TLN2: variants seen among roughly 807,000 people sequenced by gnomAD.
The protein encoded by TLN2 is talin-2.
TLN2 carries 118 observed loss-of-function variants against 294.7 expected under a neutral mutation model. That is an observed-to-expected ratio of 0.40 (90% confidence interval 0.34 to 0.47). The LOEUF (loss-of-function observed/expected upper bound fraction) is 0.47, where lower values mean the gene tolerates loss of function less well. Ranked by LOEUF, TLN2 falls within the 20% of genes least tolerant of loss-of-function variation. The pLI, the probability that TLN2 is intolerant of heterozygous loss-of-function variation, is 0.84. For missense variants in TLN2, 3,083 were observed against 3,282.2 expected (o/e 0.94, Z 1.48); for synonymous variants, 1,431 against 1,304.5 (o/e 1.10, Z -2.09).
chr15:62,443,451 C>T (rs1034868435), intron 1 of TLN2, among the ~76,000 whole-genome samples: 3 of 152,136 alleles, frequency 2.0e-5, no homozygotes, highest in Admixed American at 6.5e-5. Context: ...GCAATAGGAA[C>T]GTATTTTGGG....
At chr15:62,532,383 C>T (rs1248288034) in intron 1 of TLN2, among the ~76,000 whole-genome samples, 4 of 152,152 alleles carry the variant, frequency 2.6e-5, no homozygotes, top group Non-Finnish European at 4.4e-5. Flanking sequence ...AGGTGTGAGC[C>T]ACTGCATCCA....
Position 62,653,210 on chromosome 15 carries a change from AAAAG to A in TLN2, c.419_422del (p.Lys140ArgfsTer23). On this transcript the variant is annotated frameshift_variant, in exon 7 of 59. Coordinates refer to ENST00000636159, the MANE Select transcript of TLN2 (RefSeq NM_015059.3). LOFTEE classifies it high-confidence loss of function. ...TCCTTAATCCAAGAAACTATTGAAG[AAAAG>A]AAAGAGGAAGGAACGGGCACACTCA... 1 of 1,610,138 alleles carries A rather than the reference AAAAG, an allele frequency of 6.2e-7. No homozygotes were observed.
chr15:62,720,657 GTGT>G (rs1296485134), intron 25 of TLN2, among the ~76,000 whole-genome samples: 1 of 149,190 alleles, frequency 6.7e-6, no homozygotes, highest in African/African-American at 2.4e-5. Context: ...AGGTGTGTGT[GTGT>G]GTGTGTGTGT....
At chr15:62,574,944 G>T (rs2044259084) in intron 1 of TLN2, among the ~76,000 whole-genome samples, 1 of 151,800 alleles carries the variant, frequency 6.6e-6, no homozygotes, top group African/African-American at 2.4e-5. Flanking sequence ...AAATGTAGAG[G>T]GAGATTGCCA....
At chr15:62,487,022 C>G (rs2038434891) in intron 1 of TLN2, among the ~76,000 whole-genome samples, 1 of 152,144 alleles carries the variant, frequency 6.6e-6, no homozygotes, top group African/African-American at 2.4e-5. Context: ...ATGCAGTGTT[C>G]ACAGTGGGTT....
chr15:62,716,341 C>T lies in TLN2; in HGVS notation c.2645C>T (p.Ala882Val). 1.2e-6 allele frequency: 2 copies of T among 1,604,228 alleles called. No homozygotes were observed. Among genetic ancestry groups the T allele is most frequent in the Non-Finnish European group, 1.7e-6 (2 of 1,176,416 alleles). Reference protein sequence around the residue: ...RMVEAAKGAAANPENEDQQQR... With the variant: ...RMVEAAKGAAVNPENEDQQQR... The stretch of plus-strand genomic sequence containing the variant: ...TTTTTGCCTTTGCAGGGGGCTGCAG[C>T]CAACCCAGAGAATGAGGACCAGCAG... The change falls in exon 23 of 59, where the codon GCC (alanine) becomes GTC (valine). Residue 882 changes from alanine to valine, a missense_variant. Transcript: ENST00000636159.
chr15:62,620,205 C>A (rs191472371), intron 3 of TLN2, among the ~76,000 whole-genome samples: 1 of 152,106 alleles, frequency 6.6e-6, no homozygotes, highest in African/African-American at 2.4e-5. Context: ...AATCTCAAAC[C>A]CCTGGCCTCA....
At chr15:62,417,997 T>G (rs556537154) in intron 1 of TLN2, among the ~76,000 whole-genome samples, 1 of 152,350 alleles carries the variant, frequency 6.6e-6, no homozygotes, top group South Asian at 2.1e-4. Flanking sequence ...GGACACATGT[T>G]GCTTTTCCCC....
intron 1 of TLN2, among the ~76,000 whole-genome samples, chr15:62,481,093 T>TC (rs2038062373): frequency 6.6e-6 from 1 of 152,218 alleles, no homozygotes; most frequent in Non-Finnish European, 1.5e-5. Flanking sequence ...TATGAGTCCA[T>TC]AGAGACGTCT....
At chr15:62,768,381 G>A (rs186250713) in intron 41 of TLN2, among the ~76,000 whole-genome samples, 26 of 152,224 alleles carry the variant, frequency 1.7e-4, no homozygotes, top group Middle Eastern at 3.4e-3. Flanking sequence ...CCCTGCTTTC[G>A]TAATCACATT....
intron 12 of TLN2, among the ~76,000 whole-genome samples, chr15:62,689,816 T>C (rs1459499805): frequency 7.2e-6 from 1 of 138,632 alleles, no homozygotes. Flanking sequence ...TATTTTTATC[T>C]CTAGTTTTCA....
At chr15:62,711,005 C>T (rs555893003) in intron 21 of TLN2, among the ~76,000 whole-genome samples, 78 of 152,110 alleles carry the variant, frequency 5.1e-4, no homozygotes, top group African/African-American at 1.9e-3. Flanking sequence ...GGATTACAGG[C>T]GTGAGCCACC....
At chr15:62,788,565 A>G (rs958115800) in intron 45 of TLN2, among the ~76,000 whole-genome samples, 1 of 152,118 alleles carries the variant, frequency 6.6e-6, no homozygotes, top group Non-Finnish European at 1.5e-5. Context: ...TTTCTTCCCC[A>G]TTTCACAGAT....
At chr15:62,555,869 A>G (rs959008387) in intron 1 of TLN2, among the ~76,000 whole-genome samples, 23 of 149,662 alleles carry the variant, frequency 1.5e-4, no homozygotes, top group African/African-American at 4.9e-4. Context: ...TGTTTTTGTT[A>G]CTGTAGCTTT....
intron 1 of TLN2, among the ~76,000 whole-genome samples, chr15:62,428,289 C>G (rs1356052430): frequency 3.3e-5 from 5 of 152,198 alleles, no homozygotes; most frequent in Admixed American, 1.3e-4. Flanking sequence ...CCGGTGACAG[C>G]TGACCTGCAA....
At chr15:62,699,696 C>A (rs545092486) in intron 16 of TLN2, among the ~76,000 whole-genome samples, 2 of 152,320 alleles carry the variant, frequency 1.3e-5, no homozygotes, top group Non-Finnish European at 2.9e-5. Flanking sequence ...GCATTTTAGC[C>A]AAGTTCCCAG....
At chr15:62,407,099 A>C (rs538485401) in intron 1 of TLN2, among the ~76,000 whole-genome samples, 81 of 152,258 alleles carry the variant, frequency 5.3e-4, no homozygotes, top group African/African-American at 1.9e-3. Flanking sequence ...GAATTCCCTT[A>C]AGTAAAGTCA....
At chr15:62,631,857 G>C (rs2049931519) in intron 3 of TLN2, among the ~76,000 whole-genome samples, 1 of 151,912 alleles carries the variant, frequency 6.6e-6, no homozygotes, top group Non-Finnish European at 1.5e-5. Flanking sequence ...TGGGATTATG[G>C]GCATGAGCCA....
At chr15:62,605,169 T>C (rs945482111) in intron 2 of TLN2, among the ~76,000 whole-genome samples, 2 of 152,276 alleles carry the variant, frequency 1.3e-5, no homozygotes, top group Non-Finnish European at 2.9e-5. Context: ...GTAGGTCAAA[T>C]TTTCTCATGT....
Sources: gnomAD v4.1 joint callset for allele counts (sites outside exome capture counted in the v4.1 genomes callset) on GRCh38, gnomAD v4.1.1 for gene constraint, MANE v1.5 for transcripts, NCBI Gene and HGNC (gene_info 2026-07-23, HGNC 2026-07-21) for gene names.